The following RBFOX1 variants were observed in gnomAD, a reference collection of about 807,000 sequenced individuals.
RBFOX1 encodes RNA binding protein fox-1 homolog 1.
RBFOX1 carries 8 observed loss-of-function variants against 57.7 expected under a neutral mutation model. That is an observed-to-expected ratio of 0.14 (90% CI 0.08 to 0.25). The LOEUF (loss-of-function observed/expected upper bound fraction) is 0.25, where lower values mean the gene tolerates loss of function less well. Ranked by LOEUF, RBFOX1 falls within the 10% of genes least tolerant of loss-of-function variation. The pLI is 1.00. For missense variants in RBFOX1, 611 were observed against 548.5 expected, an observed-to-expected ratio of 1.11 and a Z score of -1.14; for synonymous variants, 326 against 222.4, an observed-to-expected ratio of 1.47 and a Z score of -4.15.
intron 2 of RBFOX1, among the ~76,000 whole-genome samples, chr16:5,577,571 C>G (rs185634970): frequency 6.6e-6 from 1 of 152,148 alleles, no homozygotes; most frequent in Non-Finnish European, 1.5e-5. Flanking sequence ...AGAATGTGCC[C>G]CACAAATGAT....
At chr16:6,724,745 A>T (rs72764955) in intron 3 of RBFOX1, among the ~76,000 whole-genome samples, 30,707 of 151,890 alleles carry the variant, frequency 0.2, 3,829 homozygotes, top group Non-Finnish European at 0.28. Flanking sequence ...TTTAATTTTT[A>T]TTCTAAGTTC....
At chr16:6,981,110 A>G (rs1055495196) in intron 3 of RBFOX1, among the ~76,000 whole-genome samples, 5 of 151,020 alleles carry the variant, frequency 3.3e-5, no homozygotes, top group Admixed American at 6.6e-5. Flanking sequence ...AATTAAGTAA[A>G]CTCTTTTTTT....
chr16:6,109,770 G>A (rs531196381), intron 1 of RBFOX1, among the ~76,000 whole-genome samples: 1 of 152,104 alleles, frequency 6.6e-6, no homozygotes, highest in Admixed American at 6.6e-5. Context: ...AAATGCCACA[G>A]GAATCCTTGT....
At chr16:5,697,870 A>C (rs930860773) in intron 3 of RBFOX1, among the ~76,000 whole-genome samples, 2 of 152,148 alleles carry the variant, frequency 1.3e-5, no homozygotes, top group Admixed American at 1.3e-4. Flanking sequence ...TGATCTTTGC[A>C]ATAGTCTTTG....
At chr16:6,631,962 G>C (rs1659419535) in intron 2 of RBFOX1, among the ~76,000 whole-genome samples, 4 of 152,214 alleles carry the variant, frequency 2.6e-5, no homozygotes, top group African/African-American at 9.6e-5. Context: ...TATGTTGGGA[G>C]CTGGGTTTAT....
chr16:5,751,748 A>G (rs1216074852), intron 3 of RBFOX1, among the ~76,000 whole-genome samples: 7 of 152,328 alleles, frequency 4.6e-5, no homozygotes, highest in African/African-American at 1.2e-4. Context: ...ACTGACTCCA[A>G]ATTGAGATGG....
At chr16:5,517,029 G>C (rs2043817744) in intron 2 of RBFOX1, among the ~76,000 whole-genome samples, 1 of 151,208 alleles carries the variant, frequency 6.6e-6, no homozygotes, top group Non-Finnish European at 1.5e-5. Flanking sequence ...AAGTCTCCTG[G>C]GCAAGTTGGT....
chr16:5,660,069 G>A (rs1286917113), intron 3 of RBFOX1, among the ~76,000 whole-genome samples: 1 of 152,052 alleles, frequency 6.6e-6, no homozygotes, highest in East Asian at 1.9e-4. Flanking sequence ...TTAGACCAAC[G>A]GGGTTCAAGG....
intron 10 of RBFOX1, among the ~76,000 whole-genome samples, chr16:7,616,405 A>C (rs9925434): frequency 0.44 from 66,800 of 151,798 alleles, 16,044 homozygotes; most frequent in African/African-American, 0.64. Flanking sequence ...GTTAGTGGTT[A>C]CTCACATAGG....
intron 3 of RBFOX1, among the ~76,000 whole-genome samples, chr16:6,884,577 C>A (rs1364824280): frequency 6.6e-6 from 1 of 152,016 alleles, no homozygotes; most frequent in Admixed American, 6.6e-5. Context: ...GTTTTATTAC[C>A]CCCATTTTGA....
chr16:7,542,440 T>C (rs1006155474), intron 5 of RBFOX1, among the ~76,000 whole-genome samples: 1 of 151,688 alleles, frequency 6.6e-6, no homozygotes, highest in Non-Finnish European at 1.5e-5. Flanking sequence ...CGGGTGCAAG[T>C]GCAGAGGAAG....
At chr16:5,254,955 C>A (rs1218237760) in intron 1 of RBFOX1, among the ~76,000 whole-genome samples, 1 of 152,178 alleles carries the variant, frequency 6.6e-6, no homozygotes. Context: ...TCTTGATAAG[C>A]ATCCTCAATG....
intron 3 of RBFOX1, among the ~76,000 whole-genome samples, chr16:6,852,527 A>T (rs2094126442): frequency 6.6e-6 from 1 of 152,260 alleles, no homozygotes; most frequent in African/African-American, 2.4e-5. Flanking sequence ...CTTGTGTCTC[A>T]GAAATTAACT....
chr16:5,247,696 A>G (rs2062337468), intron 1 of RBFOX1, among the ~76,000 whole-genome samples: 1 of 152,214 alleles, frequency 6.6e-6, no homozygotes, highest in African/African-American at 2.4e-5. Context: ...TAGTTGCGAC[A>G]GAGACCTATG....
rs901045632 is a variant in RBFOX1 at position 7,456,547 on chromosome 16, C to T, written c.28-61600C>T. ...TTTATCCTGTTTGGCGTAACAAAATCTTCGTGTAATTTGGTCTCAGCAGTC... is the reference window on the plus strand; with the variant it reads ...TTTATCCTGTTTGGCGTAACAAAATTTTCGTGTAATTTGGTCTCAGCAGTC... On this transcript the variant is annotated intron_variant, in intron 4 of 15. Transcript: ENST00000550418. Among the ~76,000 whole-genome samples the T allele has an allele frequency of 2.4e-4, 36 of 152,186 alleles. 1 individual carries two copies. Among genetic ancestry groups the T allele is most frequent in the Non-Finnish European group, 1.5e-5 (1 of 68,044 alleles).
At chr16:6,318,853 C>T (rs1009633796) in intron 2 of RBFOX1, among the ~76,000 whole-genome samples, 6 of 150,632 alleles carry the variant, frequency 4.0e-5, no homozygotes, top group African/African-American at 1.2e-4. Flanking sequence ...GGCAAGATGC[C>T]TTATTGGGGA....
intron 3 of RBFOX1, among the ~76,000 whole-genome samples, chr16:6,926,151 C>CA (rs1173695851): frequency 5.3e-5 from 8 of 151,804 alleles, no homozygotes; most frequent in Non-Finnish European, 1.2e-4. Context: ...ACTAAAAATA[C>CA]AAAAAACTAG....
chr16:6,283,039 T>C (rs866810463), intron 1 of RBFOX1, among the ~76,000 whole-genome samples: 2 of 152,160 alleles, frequency 1.3e-5, no homozygotes, highest in Admixed American at 6.5e-5. Flanking sequence ...TCTAAAACCC[T>C]TACGCAACCA....
At chr16:6,977,947 A>AAAAAAAAAAT (rs57981662) in intron 3 of RBFOX1, among the ~76,000 whole-genome samples, 13 of 145,966 alleles carry the variant, frequency 8.9e-5, no homozygotes, top group East Asian at 2.0e-4. Flanking sequence ...GAAAAAAAAA[A>AAAAAAAAAAT]AAAAGGCAAA....
Sources: gnomAD v4.1 joint callset for allele counts (sites outside exome capture counted in the v4.1 genomes callset) on GRCh38, gnomAD v4.1.1 for gene constraint, MANE v1.5 for transcripts, NCBI Gene and HGNC (gene_info 2026-07-23, HGNC 2026-07-21) for gene names.